PDE3A: variants seen among roughly 807,000 people sequenced by gnomAD.
PDE3A encodes phosphodiesterase 3A, also known as cGMP-inhibited 3',5'-cyclic phosphodiesterase 3A.
A neutral mutation model predicts 98.3 loss-of-function variants in PDE3A; 43 were observed. That is an observed-to-expected ratio of 0.44 (90% CI 0.34 to 0.56). The LOEUF (loss-of-function observed/expected upper bound fraction) is 0.56. Ranked by LOEUF, PDE3A falls within the 20% of genes least tolerant of loss-of-function variation. The probability of loss-of-function intolerance (pLI) is 0.01; values close to 1 mark genes in which losing one functional copy is unlikely to be tolerated. For synonymous variants in PDE3A, 663 were observed against 567.9 expected (o/e 1.17, Z -2.38); for missense variants, 1,427 against 1,440.7 (o/e 0.99, Z 0.15).
At position 20,687,127 on chromosome 12, in the gene PDE3A, C is replaced by T. The variant is rs1945988059; in HGVS notation, c.*6856C>T. On this transcript the variant is annotated 3_prime_UTR_variant, in exon 16 of 16. Coordinates refer to ENST00000359062, the MANE Select transcript of PDE3A (RefSeq NM_000921.5). The stretch of plus-strand genomic sequence containing the variant: ...TTTACTCCCTAAAAAAGGCAAAATA[C>T]TCAGATGTTCAATGTGAAATTACAA... 6.6e-6 allele frequency among the ~76,000 whole-genome samples: 1 copy of T among 152,026 alleles called. No homozygotes were observed. The highest frequency in any genetic ancestry group is 2.4e-5 in the African/African-American group (1 of 41,422).
intron 2 of PDE3A, among the ~76,000 whole-genome samples, chr12:20,604,839 T>C (rs1592102576): frequency 6.6e-6 from 1 of 152,194 alleles, no homozygotes; most frequent in Non-Finnish European, 1.5e-5. Flanking sequence ...GTGACTGGAG[T>C]TTCAGGTTGC....
intron 2 of PDE3A, among the ~76,000 whole-genome samples, chr12:20,597,486 CTTTT>C (rs1337514261): frequency 6.6e-6 from 1 of 152,022 alleles, no homozygotes; most frequent in African/African-American, 2.4e-5. Flanking sequence ...GGATAATAGG[CTTTT>C]TTGTTGGTTT....
chr12:20,599,981 C>G (rs538908384), intron 2 of PDE3A, among the ~76,000 whole-genome samples: 102 of 152,338 alleles, frequency 6.7e-4, no homozygotes, highest in Non-Finnish European at 1.2e-3. Context: ...TGATCCACTG[C>G]TGACCACTCC....
chr12:20,562,251 C>T (rs528945704), intron 2 of PDE3A, among the ~76,000 whole-genome samples: 13 of 139,432 alleles, frequency 9.3e-5, no homozygotes, highest in South Asian at 2.3e-4. Context: ...AGACGGAGTC[C>T]GGCTCCGTGC....
chr12:20,397,722 T>C (rs1944043901), intron 1 of PDE3A, among the ~76,000 whole-genome samples: 1 of 152,084 alleles, frequency 6.6e-6, no homozygotes, highest in African/African-American at 2.4e-5. Context: ...GAGTGTAAAA[T>C]AATTGCCTCC....
chr12:20,495,136 C>T (rs1267348602), intron 1 of PDE3A, among the ~76,000 whole-genome samples: 1 of 152,112 alleles, frequency 6.6e-6, no homozygotes, highest in Non-Finnish European at 1.5e-5. Flanking sequence ...TGCCCTAAGT[C>T]TGCCTGTTTG....
chr12:20,483,094 A>G (rs1347408524), intron 1 of PDE3A, among the ~76,000 whole-genome samples: 1 of 152,128 alleles, frequency 6.6e-6, no homozygotes, highest in African/African-American at 2.4e-5. Context: ...TCTTCATCTC[A>G]AAACTTCTAA....
At chr12:20,649,859 G>A (rs537748072) in intron 13 of PDE3A, among the ~76,000 whole-genome samples, 3 of 152,180 alleles carry the variant, frequency 2.0e-5, no homozygotes, top group African/African-American at 7.2e-5. Flanking sequence ...CCCAGGAGGT[G>A]GAGGTTGCAC....
intron 1 of PDE3A, among the ~76,000 whole-genome samples, chr12:20,532,037 G>T (rs1396162339): frequency 6.6e-6 from 1 of 151,898 alleles, no homozygotes; most frequent in African/African-American, 2.4e-5. Flanking sequence ...AGAGATGAAA[G>T]TGACAAACAG....
At position 20,369,666 on chromosome 12, in the gene PDE3A, C is replaced by T; in HGVS notation, c.382C>T (p.Pro128Ser). The change falls in exon 1 of 16, where the codon CCC becomes TCC. Residue 128 changes from proline (P) to serine (S), a missense_variant. By Grantham distance (74) the Pro-to-Ser change is moderately conservative. Transcript: ENST00000359062. Reference sequence around the variant, plus strand: ...TCCCGGGGGCGGTGCGCGGCTCAGCCCCTGGCTGCAGCCCTCGGCGCTGCT... The same window carrying T: ...TCCCGGGGGCGGTGCGCGGCTCAGCTCCTGGCTGCAGCCCTCGGCGCTGCT... The part of the protein sequence containing the change: ...GAPGGGARLS[P>S]WLQPSALLFS... 1.2e-6 allele frequency: 2 copies of T among 1,606,890 alleles called. No individual in the cohort carries two copies. The highest frequency in any genetic ancestry group is 1.7e-6 in the Non-Finnish European group (2 of 1,177,552).
chr12:20,579,070 A>G (rs544505605), intron 2 of PDE3A, among the ~76,000 whole-genome samples: 3 of 152,200 alleles, frequency 2.0e-5, no homozygotes, highest in Admixed American at 6.5e-5. Flanking sequence ...CTCACTCCCA[A>G]TTTAGGTGAT....
chr12:20,585,890 A>ACACT (rs1250565994), intron 2 of PDE3A, among the ~76,000 whole-genome samples: 3 of 152,152 alleles, frequency 2.0e-5, no homozygotes, highest in African/African-American at 7.2e-5. Flanking sequence ...CATATACTGA[A>ACACT]CACTCAATAC....
chr12:20,649,162 ACCTCATGATCCACCCGCCTCGG>A (rs1290636615), intron 13 of PDE3A, among the ~76,000 whole-genome samples: 3 of 151,324 alleles, frequency 2.0e-5, no homozygotes, highest in Non-Finnish European at 2.9e-5. Context: ...CAAACTCCTG[ACCTCATGATCCACCCGCCTCGG>A]CCTCCCAAAG....
rs189910905 is a variant in PDE3A, at chr12:20,547,500, A to G, written c.961-9160A>G. On this transcript the variant is annotated intron_variant, in intron 1 of 15. Transcript: ENST00000359062. ...TGTGTGGTAACCTTTACATCCTTAT[A>G]TGTATATTAGTTTTATATGTCTTCA... Among the ~76,000 whole-genome samples the G allele has an allele frequency of 4.6e-5, 7 of 152,268 alleles. 1 individual carries two copies. The East Asian group carries it at 1.4e-3, about 29-fold the overall frequency.
chr12:20,471,035 T>C (rs1170961651), intron 1 of PDE3A, among the ~76,000 whole-genome samples: 2 of 152,088 alleles, frequency 1.3e-5, no homozygotes, highest in African/African-American at 2.4e-5. Context: ...GCCACCTAGA[T>C]CTTGGATTTC....
intron 4 of PDE3A, among the ~76,000 whole-genome samples, chr12:20,620,358 T>A (rs1479267427): frequency 6.6e-6 from 1 of 152,028 alleles, no homozygotes; most frequent in Non-Finnish European, 1.5e-5. Context: ...TACTAGTGCT[T>A]GAAAGGACAC....
intron 12 of PDE3A, among the ~76,000 whole-genome samples, chr12:20,648,047 C>T (rs1186608461): frequency 6.6e-6 from 1 of 151,464 alleles, no homozygotes; most frequent in South Asian, 2.1e-4. Flanking sequence ...TAAAACTTCT[C>T]TCTGCATTAT....
At chr12:20,648,923 T>A in intron 13 of PDE3A, 32 bp downstream of exon 13, 4 of 1,210,568 alleles carry the variant, frequency 3.3e-6, no homozygotes, top group South Asian at 2.7e-5. Context: ...TTTCTTTTCT[T>A]TTTCTTTTTT....
intron 1 of PDE3A, among the ~76,000 whole-genome samples, chr12:20,530,050 C>A (rs1367191030): frequency 6.6e-6 from 1 of 152,080 alleles, no homozygotes; most frequent in Non-Finnish European, 1.5e-5. Flanking sequence ...TGACTTATTT[C>A]ATTTATAACA....
Sources: allele counts gnomAD v4.1 joint callset (sites outside exome capture counted in the v4.1 genomes callset), GRCh38; gene constraint gnomAD v4.1.1; transcripts MANE v1.5; gene names NCBI Gene and HGNC (gene_info 2026-07-23, HGNC 2026-07-21).